The following DLGAP4 variants were observed in gnomAD, a reference collection of about 807,000 sequenced individuals.
DLGAP4 encodes disks large-associated protein 4.
A neutral mutation model predicts 86.9 loss-of-function variants in DLGAP4; 18 were observed. That is an observed-to-expected ratio of 0.21 (90% CI 0.14 to 0.31). The LOEUF (loss-of-function observed/expected upper bound fraction) is 0.31, where lower values mean the gene tolerates loss of function less well. Among genes scored for constraint, DLGAP4 ranks in the 10% least tolerant of loss-of-function variants. The pLI is 1.00. For synonymous variants in DLGAP4, 548 were observed against 574.3 expected, an observed-to-expected ratio of 0.95 and a Z score of 0.65; for missense variants, 1,085 against 1,362.6, an observed-to-expected ratio of 0.80 and a Z score of 3.21.
chr20:36,468,177 G>C (rs1467875672), intron 7 of DLGAP4, among the ~76,000 whole-genome samples: 1 of 152,210 alleles, frequency 6.6e-6, no homozygotes, highest in East Asian at 1.9e-4. Context: ...TTTACACACT[G>C]GACTGTGAGA....
chr20:36,446,897 G>A lies in DLGAP4; in HGVS notation c.1608G>A (p.Pro536=), dbSNP rs200165333. Residue 536 remains proline (P), a synonymous_variant, in exon 7 of 13, where the codon CCG becomes CCA. Coordinates refer to ENST00000339266, the MANE Select transcript of DLGAP4 (RefSeq NM_001365621.2). ...DSVSLQSLSP[P]PSTGSLSNSR... ...TCTCCCTGCAGTCCCTCTCCCCACC[G>A]CCCAGTACCGGCAGCCTCAGCAATA... is the stretch of plus-strand genomic sequence containing the variant. The A allele has an allele frequency of 2.5e-6, 4 of 1,612,472 alleles. No homozygotes were observed. The South Asian group carries it at 3.3e-5, about 13-fold the overall frequency.
At chr20:36,490,416 G>A (rs2035608396) in intron 7 of DLGAP4, among the ~76,000 whole-genome samples, 1 of 152,196 alleles carries the variant, frequency 6.6e-6, no homozygotes, top group Non-Finnish European at 1.5e-5. Flanking sequence ...CAGATGAGTT[G>A]CCCAATTTAG....
intron 6 of DLGAP4, among the ~76,000 whole-genome samples, chr20:36,444,761 C>T (rs1339498662): frequency 6.6e-6 from 1 of 152,052 alleles, no homozygotes; most frequent in Non-Finnish European, 1.5e-5. Context: ...CTGCTTCAGC[C>T]TCCCAAGTAG....
chr20:36,356,705 C>T (rs906412945), intron 1 of DLGAP4, among the ~76,000 whole-genome samples: 1 of 152,044 alleles, frequency 6.6e-6, no homozygotes, highest in South Asian at 2.1e-4. Context: ...TTAGAACACG[C>T]CACTTACTAA....
intron 2 of DLGAP4, among the ~76,000 whole-genome samples, chr20:36,424,622 C>T (rs2032923442): frequency 6.6e-6 from 1 of 152,140 alleles, no homozygotes; most frequent in South Asian, 2.1e-4. Context: ...TCACAGCATC[C>T]ACTGCACATC....
At chr20:36,398,627 A>G (rs573182278) in intron 2 of DLGAP4, among the ~76,000 whole-genome samples, 2 of 152,318 alleles carry the variant, frequency 1.3e-5, no homozygotes, top group East Asian at 3.9e-4. Context: ...TGAATGTTCT[A>G]TGTGATTGCC....
intron 7 of DLGAP4, among the ~76,000 whole-genome samples, chr20:36,490,489 G>A (rs986654769): frequency 2.6e-5 from 4 of 152,158 alleles, no homozygotes; most frequent in Non-Finnish European, 5.9e-5. Context: ...CCAGCCCTCA[G>A]CCCTTCCACT....
intron 8 of DLGAP4, 189 bp from the exon 9 acceptor site, chr20:36,499,399 G>C: frequency 8.3e-7 from 1 of 1,205,716 alleles, no homozygotes; most frequent in East Asian, 5.3e-5. Context: ...GCCTCCACGC[G>C]AATGAGCAGT....
chr20:36,471,294 A>G (rs1469948617), intron 7 of DLGAP4, among the ~76,000 whole-genome samples: 1 of 151,946 alleles, frequency 6.6e-6, no homozygotes, highest in Non-Finnish European at 1.5e-5. Flanking sequence ...CGAGACCTCT[A>G]CTCGACCTGG....
At chr20:36,387,215 T>G (rs1300208340) in intron 2 of DLGAP4, among the ~76,000 whole-genome samples, 1 of 152,190 alleles carries the variant, frequency 6.6e-6, no homozygotes, top group South Asian at 2.1e-4. Flanking sequence ...ATTTTGCCAA[T>G]CTGCTGGGAG....
chr20:36,497,743 C>A, intron 8 of DLGAP4: 1 of 569,662 alleles, frequency 1.8e-6, no homozygotes, highest in Non-Finnish European at 2.2e-6. Context: ...AGTCATGGCA[C>A]ACAGCAGGGC....
intron 1 of DLGAP4, among the ~76,000 whole-genome samples, chr20:36,339,766 G>T (rs1287183469): frequency 6.6e-6 from 1 of 152,230 alleles, no homozygotes; most frequent in Non-Finnish European, 1.5e-5. Context: ...GACCAGCAGT[G>T]TGGCATTTGA....
At chr20:36,494,242 A>G (rs556092119) in intron 7 of DLGAP4, among the ~76,000 whole-genome samples, 1 of 152,276 alleles carries the variant, frequency 6.6e-6, no homozygotes, top group East Asian at 1.9e-4. Flanking sequence ...CCTCTGGACT[A>G]GGCTGGGCAC....
intron 10 of DLGAP4, among the ~76,000 whole-genome samples, chr20:36,504,798 T>C (rs1465681962): frequency 1.3e-5 from 2 of 152,266 alleles, no homozygotes; most frequent in East Asian, 3.8e-4. Flanking sequence ...TTTTTATGTC[T>C]TCTTGGAAGA....
At chr20:36,452,513 A>C (rs1249330839) in intron 7 of DLGAP4, among the ~76,000 whole-genome samples, 1 of 149,032 alleles carries the variant, frequency 6.7e-6, no homozygotes, top group Non-Finnish European at 1.5e-5. Context: ...CTTTTCTTGT[A>C]AATCTTTTTT....
intron 2 of DLGAP4, among the ~76,000 whole-genome samples, chr20:36,411,180 G>C (rs895961599): frequency 6.6e-6 from 1 of 152,136 alleles, no homozygotes; most frequent in Non-Finnish European, 1.5e-5. Flanking sequence ...AGTAGAAATG[G>C]GGTTTCACTA....
At chr20:36,525,657 G>T in intron 11 of DLGAP4, 194 bp from the exon 12 acceptor site, 2 of 684,910 alleles carry the variant, frequency 2.9e-6, no homozygotes, top group South Asian at 3.8e-5. Flanking sequence ...ATCCCCCAAA[G>T]ATCCCCACCA....
At chr20:36,483,425 A>G (rs1242987810) in intron 7 of DLGAP4, among the ~76,000 whole-genome samples, 4 of 152,174 alleles carry the variant, frequency 2.6e-5, no homozygotes, top group African/African-American at 9.7e-5. Flanking sequence ...AGCCCCAGGC[A>G]AGGGTCCCTG....
intron 8 of DLGAP4, chr20:36,499,184 G>T (rs2036013569): frequency 4.0e-6 from 6 of 1,497,936 alleles, no homozygotes; most frequent in Non-Finnish European, 4.6e-6. Context: ...GTGTGTGTGT[G>T]TGTGTTTTCT....
Sources: allele counts gnomAD v4.1 joint callset (sites outside exome capture counted in the v4.1 genomes callset), GRCh38; gene constraint gnomAD v4.1.1; transcripts MANE v1.5; gene names NCBI Gene and HGNC (gene_info 2026-07-23, HGNC 2026-07-21).